IL1RAPL2: variants seen among roughly 807,000 people sequenced by gnomAD.
IL1RAPL2 encodes the protein X-linked interleukin-1 receptor accessory protein-like 2.
A neutral mutation model predicts 44.1 loss-of-function variants in IL1RAPL2; 3 were observed. That is an observed-to-expected ratio of 0.07 (90% CI 0.03 to 0.18). The LOEUF is 0.18. IL1RAPL2 is among the 10% of genes least tolerant of loss of function. IL1RAPL2 has a pLI of 1.00. For missense variants in IL1RAPL2, 391 were observed against 496.4 expected (o/e 0.79, Z 2.02); for synonymous variants, 181 against 178.8 (o/e 1.01, Z -0.10).
At chrX:104,994,410 G>A (rs1202031046) in intron 2 of IL1RAPL2, among the ~76,000 whole-genome samples, 2 of 110,891 alleles carry the variant, frequency 1.8e-5, no homozygotes, top group Non-Finnish European at 3.8e-5. Context: ...TAACTTTCTG[G>A]GGTGATGGAA....
At chrX:104,864,223 A>G (rs1922559404) in intron 2 of IL1RAPL2, among the ~76,000 whole-genome samples, 1 of 112,135 alleles carries the variant, frequency 8.9e-6, no homozygotes, top group African/African-American at 3.2e-5. Context: ...AATTTTATAG[A>G]TTGATCAACA....
intron 2 of IL1RAPL2, among the ~76,000 whole-genome samples, chrX:104,908,824 G>A (rs1160062056): frequency 9.1e-6 from 1 of 110,126 alleles, no homozygotes; most frequent in African/African-American, 3.3e-5. Flanking sequence ...GGCGTTCACT[G>A]TATTTCCTGA....
chrX:104,585,312 A>ATTATATAATATATAATATATAAT, intron 1 of IL1RAPL2, among the ~76,000 whole-genome samples: 1 of 21,690 alleles, frequency 4.6e-5, no homozygotes, highest in Admixed American at 8.9e-4. Flanking sequence ...TATATTATAT[A>ATTATATAATATATAATATATAAT]ATATATATTA....
chrX:105,392,330 G>T (rs1331108712), intron 5 of IL1RAPL2, among the ~76,000 whole-genome samples: 1 of 110,054 alleles, frequency 9.1e-6, no homozygotes, highest in East Asian at 2.9e-4. Flanking sequence ...AGCAGAGGTT[G>T]TACAGAAAGA....
chrX:105,625,636 G>C (rs1401134992), intron 6 of IL1RAPL2, among the ~76,000 whole-genome samples: 1 of 111,268 alleles, frequency 9.0e-6, no homozygotes, highest in Non-Finnish European at 1.9e-5. Context: ...TCCACTCTGT[G>C]CTAGGGCTTG....
chrX:104,903,147 C>T (rs986830199), intron 2 of IL1RAPL2, among the ~76,000 whole-genome samples: 5 of 111,704 alleles, frequency 4.5e-5, no homozygotes, highest in Admixed American at 9.6e-5. Flanking sequence ...TATGGATTTG[C>T]TACTAACGTG....
intron 3 of IL1RAPL2, among the ~76,000 whole-genome samples, chrX:105,202,567 T>TAGAAAAA (rs2033726770): frequency 8.9e-6 from 1 of 112,044 alleles, no homozygotes. Flanking sequence ...ACCTCCTATT[T>TAGAAAAA]TTCTAGCTCA....
intron 5 of IL1RAPL2, among the ~76,000 whole-genome samples, chrX:105,297,164 A>G (rs2034659657): frequency 8.9e-6 from 1 of 111,941 alleles, no homozygotes; most frequent in Non-Finnish European, 1.9e-5. Context: ...AGGCAGAGGG[A>G]GCTGCTATGC....
chrX:104,823,862 A>G (rs1171650591), intron 2 of IL1RAPL2, among the ~76,000 whole-genome samples: 3 of 111,818 alleles, frequency 2.7e-5, no homozygotes, highest in Non-Finnish European at 3.8e-5. Context: ...CTCTCTTCCT[A>G]TTTGCATACC....
chrX:105,387,493 A>G (rs957808977), intron 5 of IL1RAPL2, among the ~76,000 whole-genome samples: 2 of 110,440 alleles, frequency 1.8e-5, no homozygotes, highest in Admixed American at 1.9e-4. Flanking sequence ...TCGGCCTCCC[A>G]AAGTGCTGGG....
Position 105,675,802 on chromosome X carries a change from G to C in IL1RAPL2, c.773-41565G>C, listed in dbSNP as rs1489432936. 8.1e-5 allele frequency among the ~76,000 whole-genome samples: 9 copies of C among 111,213 alleles called. No individual in the cohort carries two copies. In the East Asian group the frequency reaches 2.5e-3, roughly 31 times the overall value. ...ATCCAACTGGTCTTGGGCTTTCTTT[G>C]GTTGGTAAGCTATTTATGATTGCTT... On this transcript the variant is annotated intron_variant, in intron 6 of 10. Coordinates refer to ENST00000372582, the MANE Select transcript of IL1RAPL2 (RefSeq NM_017416.2).
At chrX:105,469,949 C>T (rs2036155018) in intron 5 of IL1RAPL2, among the ~76,000 whole-genome samples, 1 of 111,301 alleles carries the variant, frequency 9.0e-6, no homozygotes, top group South Asian at 3.7e-4. Flanking sequence ...GATAATTCTT[C>T]TATCTCTTCT....
At chrX:105,515,522 A>T (rs765283428) in intron 6 of IL1RAPL2, among the ~76,000 whole-genome samples, 16 of 110,942 alleles carry the variant, frequency 1.4e-4, no homozygotes, top group African/African-American at 5.2e-4. Flanking sequence ...TAAAAAAAAA[A>T]TTTACCAACT....
intron 6 of IL1RAPL2, among the ~76,000 whole-genome samples, chrX:105,587,008 G>A (rs1665839795): frequency 9.0e-6 from 1 of 111,592 alleles, no homozygotes; most frequent in Non-Finnish European, 1.9e-5. Flanking sequence ...ACAATTATAA[G>A]GCTCATCTAA....
intron 2 of IL1RAPL2, among the ~76,000 whole-genome samples, chrX:105,107,363 G>C (rs1332371055): frequency 2.7e-5 from 3 of 112,013 alleles, no homozygotes; most frequent in African/African-American, 9.7e-5. Context: ...CCTTGGATGA[G>C]TCACCTAAAA....
intron 1 of IL1RAPL2, among the ~76,000 whole-genome samples, chrX:104,656,124 A>C (rs1288778877): frequency 9.1e-6 from 1 of 110,403 alleles, no homozygotes; most frequent in South Asian, 3.9e-4. Context: ...CAAAAAACCA[A>C]CCCCTGGATT....
intron 5 of IL1RAPL2, among the ~76,000 whole-genome samples, chrX:105,426,651 GT>G (rs368299531): frequency 0.066 from 7,044 of 106,386 alleles, 563 homozygotes; most frequent in African/African-American, 0.23. Context: ...CTGGGATTAT[GT>G]TTTTTTTTTC....
At chrX:104,712,603 A>C (rs1337222897) in intron 2 of IL1RAPL2, among the ~76,000 whole-genome samples, 1 of 111,340 alleles carries the variant, frequency 9.0e-6, no homozygotes, top group Non-Finnish European at 1.9e-5. Context: ...AGAAAATATC[A>C]CAATATAGAT....
chrX:104,689,336 T>A (rs1931048687), intron 2 of IL1RAPL2, among the ~76,000 whole-genome samples: 1 of 111,384 alleles, frequency 9.0e-6, no homozygotes, highest in African/African-American at 3.3e-5. Context: ...AGGCACATGC[T>A]TACCTAATTT....
Sources: allele counts gnomAD v4.1 joint callset (sites outside exome capture counted in the v4.1 genomes callset), GRCh38; gene constraint gnomAD v4.1.1; transcripts MANE v1.5; gene names NCBI Gene and HGNC (gene_info 2026-07-23, HGNC 2026-07-21).